Variants in SLC26A7 observed in about 807,000 individuals in gnomAD.
The protein encoded by SLC26A7 is solute carrier family 26 member 7.
A neutral mutation model predicts 82.5 loss-of-function variants in SLC26A7; 59 were observed. That is an observed-to-expected ratio of 0.72 (90% CI 0.58 to 0.89). SLC26A7 has a LOEUF of 0.89. Among genes scored for constraint, SLC26A7 ranks in the 40% least tolerant of loss-of-function variants. The pLI is 0.00. For synonymous variants in SLC26A7, 271 were observed against 274.3 expected, an observed-to-expected ratio of 0.99 and a Z score of 0.12; for missense variants, 820 against 793.0, an observed-to-expected ratio of 1.03 and a Z score of -0.41.
chr8:91,375,874 A>G (rs1401863305), intron 15 of SLC26A7, among the ~76,000 whole-genome samples: 2 of 151,988 alleles, frequency 1.3e-5, no homozygotes, highest in Non-Finnish European at 2.9e-5. Context: ...GTATGCCTAT[A>G]AGTTATAGGT....
At chr8:91,368,175 C>T (rs898729271) in intron 14 of SLC26A7, among the ~76,000 whole-genome samples, 2 of 152,044 alleles carry the variant, frequency 1.3e-5, no homozygotes, top group African/African-American at 4.8e-5. Context: ...TCAAGGGTAC[C>T]TACAATCAAC....
intron 4 of SLC26A7, among the ~76,000 whole-genome samples, chr8:91,298,001 G>T (rs1484725273): frequency 1.3e-5 from 2 of 152,240 alleles, no homozygotes; most frequent in Middle Eastern, 3.4e-3. Flanking sequence ...GCTCTCACCT[G>T]CAAGGAACAG....
intron 18 of SLC26A7, 156 bp downstream of exon 18, chr8:91,394,195 G>C: frequency 6.2e-7 from 1 of 1,611,658 alleles, no homozygotes; most frequent in Non-Finnish European, 8.5e-7. Context: ...ACAGGTAAAA[G>C]AATGTTTCCA....
At chr8:91,246,312 G>A (rs907192383), upstream of SLC26A7, among the ~76,000 whole-genome samples, 1 of 152,114 alleles carries the variant, frequency 6.6e-6, no homozygotes, top group Non-Finnish European at 1.5e-5. Context: ...CTACTCAAAA[G>A]GAATGTACAA....
intron 5 of SLC26A7, among the ~76,000 whole-genome samples, chr8:91,324,526 A>C (rs1586410807): frequency 6.6e-6 from 1 of 152,248 alleles, no homozygotes; most frequent in East Asian, 1.9e-4. Context: ...ACACATGAGT[A>C]GGAAGAGATA....
chr8:91,289,664 G>A (rs953628200), intron 3 of SLC26A7, among the ~76,000 whole-genome samples: 2 of 151,770 alleles, frequency 1.3e-5, no homozygotes, highest in African/African-American at 2.4e-5. Flanking sequence ...AAAAAAGGAA[G>A]GGAAATGTTC....
intron 9 of SLC26A7, among the ~76,000 whole-genome samples, chr8:91,346,924 C>T (rs1012501677): frequency 2.0e-5 from 3 of 152,176 alleles, no homozygotes; most frequent in African/African-American, 4.8e-5. Flanking sequence ...CTCACTGCCA[C>T]TTCTGGGTCT....
rs77905626 is a variant in SLC26A7 at position 91,284,377 on chromosome 8, A to G, written c.194-4759A>G. Among the ~76,000 whole-genome samples, 674 of 152,264 alleles carry G rather than the reference A, an allele frequency of 4.4e-3. 5 individuals carry two copies. Among genetic ancestry groups the G allele is most frequent in the African/African-American group, 0.016 (656 of 41,544 alleles). On this transcript the variant is annotated intron_variant, in intron 2 of 18. Coordinates refer to ENST00000276609, the MANE Select transcript of SLC26A7 (RefSeq NM_052832.4). ...AGTCAGCCTAGTCAGTCATCTTGAT[A>G]TTTTGCAAATATTTTCTTTCTTGTG...
chr8:91,360,090 T>A (rs1586452630), intron 11 of SLC26A7, among the ~76,000 whole-genome samples: 1 of 152,168 alleles, frequency 6.6e-6, no homozygotes, highest in Non-Finnish European at 1.5e-5. Flanking sequence ...GCTCAACTCA[T>A]TGGCTCAGAA....
intron 1 of SLC26A7, among the ~76,000 whole-genome samples, chr8:91,213,441 T>A (rs1809973724): frequency 6.6e-6 from 1 of 152,206 alleles, no homozygotes; most frequent in Admixed American, 6.5e-5. Context: ...AGTACTCATG[T>A]CACTTATCAC....
At chr8:91,330,758 A>G (rs942874080) in intron 5 of SLC26A7, among the ~76,000 whole-genome samples, 1 of 152,186 alleles carries the variant, frequency 6.6e-6, no homozygotes, top group African/African-American at 2.4e-5. Context: ...AAAACATGGA[A>G]GATACAAATA....
At chr8:91,303,892 T>C (rs1477205693) in intron 4 of SLC26A7, among the ~76,000 whole-genome samples, 1 of 152,212 alleles carries the variant, frequency 6.6e-6, no homozygotes, top group African/African-American at 2.4e-5. Context: ...ATCTGAAATC[T>C]CTTTTGATAA....
chr8:91,351,695 T>G, intron 9 of SLC26A7, 115 bp from the exon 10 acceptor site: 1 of 723,280 alleles, frequency 1.4e-6, no homozygotes, highest in South Asian at 1.7e-5. Flanking sequence ...TGTGTCAACA[T>G]TTTACTTCTT....
chr8:91,274,557 C>T (rs986682461), intron 2 of SLC26A7, among the ~76,000 whole-genome samples: 1 of 152,198 alleles, frequency 6.6e-6, no homozygotes, highest in Non-Finnish European at 1.5e-5. Context: ...AGGGTGACCT[C>T]ACTCCCTCAA....
At chr8:91,239,683 C>A (rs1427556533) in intron 2 of SLC26A7, among the ~76,000 whole-genome samples, 1 of 152,032 alleles carries the variant, frequency 6.6e-6, no homozygotes, top group Non-Finnish European at 1.5e-5. Flanking sequence ...CAGAAATCCT[C>A]TCCACTCTGC....
intron 2 of SLC26A7, among the ~76,000 whole-genome samples, chr8:91,258,350 C>T (rs1167740124): frequency 6.6e-6 from 1 of 152,062 alleles, no homozygotes. Context: ...CAGCATTTTT[C>T]CTACCAAAAG....
intron 5 of SLC26A7, among the ~76,000 whole-genome samples, chr8:91,330,403 T>C (rs1813048051): frequency 6.6e-6 from 1 of 152,150 alleles, no homozygotes. Flanking sequence ...TTTTATGATA[T>C]TCTAAGAAAT....
chr8:91,301,013 T>A (rs1283115044), intron 4 of SLC26A7, among the ~76,000 whole-genome samples: 4 of 152,220 alleles, frequency 2.6e-5, no homozygotes, highest in African/African-American at 9.6e-5. Flanking sequence ...TTACTTTTAT[T>A]CTCTCAAAAC....
intron 1 of SLC26A7, among the ~76,000 whole-genome samples, chr8:91,216,427 A>C (rs1455072468): frequency 6.6e-6 from 1 of 152,190 alleles, no homozygotes; most frequent in Non-Finnish European, 1.5e-5. Context: ...AGCAAATCAG[A>C]TGTCGAACTT....
Sources: gnomAD v4.1 joint callset for allele counts (sites outside exome capture counted in the v4.1 genomes callset) on GRCh38, gnomAD v4.1.1 for gene constraint, MANE v1.5 for transcripts, NCBI Gene and HGNC (gene_info 2026-07-23, HGNC 2026-07-21) for gene names.